LAMA2: variants seen among roughly 807,000 people sequenced by gnomAD.
The protein encoded by LAMA2 is laminin subunit alpha-2.
A neutral mutation model predicts 364.8 loss-of-function variants in LAMA2; 269 were observed. The observed-to-expected ratio is 0.74, with a 90% confidence interval of 0.67 to 0.82. The LOEUF is 0.82. LAMA2 is among the 40% of genes least tolerant of loss of function. LAMA2 has a pLI of 0.00. For synonymous variants in LAMA2, 1,379 were observed against 1,370.6 expected (o/e 1.01, Z -0.14); for missense variants, 3,807 against 3,873.2 (o/e 0.98, Z 0.45).
chr6:128,924,908 T>C (rs1778990911), intron 1 of LAMA2, among the ~76,000 whole-genome samples: 2 of 152,246 alleles, frequency 1.3e-5, no homozygotes, highest in African/African-American at 4.8e-5. Flanking sequence ...ATTGTTGAGA[T>C]ATTTTAAGTG....
chr6:129,199,516 A>G (rs1782049453), intron 12 of LAMA2, among the ~76,000 whole-genome samples: 1 of 152,194 alleles, frequency 6.6e-6, no homozygotes, highest in South Asian at 2.1e-4. Context: ...GAAATAAAAT[A>G]TATAGGGATC....
chr6:129,263,841 G>A (rs1787307503), intron 15 of LAMA2, among the ~76,000 whole-genome samples: 1 of 152,168 alleles, frequency 6.6e-6, no homozygotes, highest in Admixed American at 6.6e-5. Context: ...CTGAGCTCAA[G>A]TGATCCTCCT....
Position 128,965,904 on chromosome 6 carries a change from T to C in LAMA2, c.112+82547T>C, listed in dbSNP as rs1470021916. On this transcript the variant is annotated intron_variant, in intron 1 of 64. Coordinates refer to ENST00000421865, the MANE Select transcript of LAMA2 (RefSeq NM_000426.4). The stretch of plus-strand genomic sequence containing the variant: ...ATAAATTATAACAATAAAAGACTTA[T>C]ACTCTTTGTCCCATAGTTTCTCTTT... Among the ~76,000 whole-genome samples, 8 of 151,784 alleles carry C rather than the reference T, an allele frequency of 5.3e-5. No individual in the cohort carries two copies. The East Asian group carries it at 1.4e-3, about 26-fold the overall frequency.
chr6:129,362,212 C>T (rs1583575933), intron 32 of LAMA2, among the ~76,000 whole-genome samples: 1 of 152,168 alleles, frequency 6.6e-6, no homozygotes, highest in East Asian at 1.9e-4. Context: ...TGAGTCAAAA[C>T]TGAAATCCTT....
At chr6:129,403,072 G>C (rs1289919416) in intron 39 of LAMA2, among the ~76,000 whole-genome samples, 1 of 152,172 alleles carries the variant, frequency 6.6e-6, no homozygotes, top group East Asian at 1.9e-4. Context: ...ACAGCCTTCT[G>C]TGTATAACTG....
intron 40 of LAMA2, among the ~76,000 whole-genome samples, chr6:129,426,397 G>A (rs1218702744): frequency 1.3e-5 from 2 of 152,094 alleles, no homozygotes; most frequent in South Asian, 2.1e-4. Context: ...TATAGAATCT[G>A]AGTGGGTAAC....
intron 31 of LAMA2, among the ~76,000 whole-genome samples, chr6:129,349,665 A>G (rs1216655714): frequency 1.3e-5 from 2 of 151,272 alleles, no homozygotes; most frequent in East Asian, 1.9e-4. Context: ...ATATGTAAAT[A>G]TAACATTTCA....
At chr6:128,933,424 A>G (rs1779619485) in intron 1 of LAMA2, among the ~76,000 whole-genome samples, 1 of 152,206 alleles carries the variant, frequency 6.6e-6, no homozygotes, top group Non-Finnish European at 1.5e-5. Context: ...CTTTTAAAAT[A>G]TATAGCTAGA....
At chr6:129,460,351 G>T (rs1783187787) in intron 49 of LAMA2, 27 bp downstream of exon 49, 1 of 1,608,680 alleles carries the variant, frequency 6.2e-7, no homozygotes, top group South Asian at 1.1e-5. Context: ...ACTCTCCCAG[G>T]GTCTGTCCTG....
intron 8 of LAMA2, among the ~76,000 whole-genome samples, chr6:129,163,666 C>A (rs889410314): frequency 9.2e-5 from 14 of 152,094 alleles, no homozygotes; most frequent in African/African-American, 4.8e-5. Context: ...TAAATAAATT[C>A]TCATTATATT....
chr6:129,050,001 T>C lies in LAMA2; in HGVS notation c.196T>C (p.Tyr66His), dbSNP rs933403803. The C allele has an allele frequency of 5.0e-6, 8 of 1,613,972 alleles. No individual in the cohort carries two copies. The African/African-American group carries it at 6.7e-5, about 13-fold the overall frequency. ...ATGTGGAGAAAAAGGACCTGAAATG[T>C]ACTGCAAATTGGTAGAACATGTCCC... Reference protein sequence around the residue: ...ATCGEKGPEMYCKLVEHVPGQ... With the variant: ...ATCGEKGPEMHCKLVEHVPGQ... Residue 66 changes from tyrosine to histidine, a missense_variant, in exon 2 of 65, where the codon TAC becomes CAC. Around this residue, in one of 3 missense-constraint regions of LAMA2, gnomAD observed 394 missense variants for 403.5 expected, o/e 0.98. Coordinates refer to ENST00000421865, the MANE Select transcript of LAMA2 (RefSeq NM_000426.4).
At chr6:129,098,041 T>C (rs886757890) in intron 3 of LAMA2, 132 bp from the exon 4 acceptor site, 1 of 1,094,810 alleles carries the variant, frequency 9.1e-7, no homozygotes, top group Non-Finnish European at 1.4e-6. Context: ...GTAAAATCAT[T>C]TCAGAGAACA....
intron 21 of LAMA2, 49 bp from the exon 22 acceptor site, chr6:129,300,687 A>T (rs771856549): frequency 6.3e-7 from 1 of 1,597,408 alleles, no homozygotes; most frequent in African/African-American, 1.3e-5. Context: ...TTTGTGTCAA[A>T]TTTTTACTAT....
intron 29 of LAMA2, among the ~76,000 whole-genome samples, chr6:129,340,708 G>A (rs1776210841): frequency 6.6e-6 from 1 of 151,666 alleles, no homozygotes; most frequent in Admixed American, 6.6e-5. Context: ...GTGGTGGTAT[G>A]TGCCTGTAGT....
chr6:128,926,355 T>C (rs1779098525), intron 1 of LAMA2, among the ~76,000 whole-genome samples: 1 of 152,214 alleles, frequency 6.6e-6, no homozygotes, highest in East Asian at 1.9e-4. Context: ...ATGGTCATTT[T>C]ACCGCTTCAA....
intron 28 of LAMA2, among the ~76,000 whole-genome samples, chr6:129,326,457 A>G (rs1775289701): frequency 2.0e-5 from 3 of 152,000 alleles, no homozygotes; most frequent in Admixed American, 6.6e-5. Context: ...AAACTGTACA[A>G]TTCCTCGATG....
intron 4 of LAMA2, among the ~76,000 whole-genome samples, chr6:129,110,935 A>G (rs892490477): frequency 2.6e-5 from 4 of 152,032 alleles, no homozygotes; most frequent in African/African-American, 9.7e-5. Context: ...CAGGAAAGAT[A>G]ATGTACTATT....
intron 49 of LAMA2, 86 bp from the exon 50 acceptor site, chr6:129,464,204 T>C: frequency 8.6e-7 from 1 of 1,164,408 alleles, no homozygotes; most frequent in Admixed American, 1.7e-5. Context: ...CAACAGCCTA[T>C]AGTCTCATTG....
chr6:129,219,541 G>A (rs1783655096), intron 12 of LAMA2, among the ~76,000 whole-genome samples: 1 of 150,766 alleles, frequency 6.6e-6, no homozygotes, highest in African/African-American at 2.4e-5. Flanking sequence ...TGTTTATTGT[G>A]GCACTATTCA....
Sources: gnomAD v4.1 joint callset for allele counts (sites outside exome capture counted in the v4.1 genomes callset) on GRCh38, gnomAD v4.1.1 for gene constraint, gnomAD v4.1.1 regional missense constraint, MANE v1.5 for transcripts, NCBI Gene and HGNC (gene_info 2026-07-23, HGNC 2026-07-21) for gene names.